Variants in CSGALNACT1 observed in about 807,000 individuals in gnomAD.
CSGALNACT1 encodes the protein beta4GalNAcT-1.
Under a neutral mutation model 51.0 loss-of-function variants are expected in CSGALNACT1, and 52 were observed. That is an observed-to-expected ratio of 1.02 (90% confidence interval 0.82 to 1.29). The LOEUF (loss-of-function observed/expected upper bound fraction) is 1.29, where lower values mean the gene tolerates loss of function less well. Ranked by LOEUF, CSGALNACT1 falls within the 50% of genes most tolerant of loss-of-function variation. The pLI is 0.00. For synonymous variants in CSGALNACT1, 341 were observed against 254.4 expected, an observed-to-expected ratio of 1.34 and a Z score of -3.24; for missense variants, 935 against 679.2, an observed-to-expected ratio of 1.38 and a Z score of -4.19.
chr8:19,737,290 AG>A (rs1444924746), intron 1 of CSGALNACT1, among the ~76,000 whole-genome samples: 1 of 152,138 alleles, frequency 6.6e-6, no homozygotes, highest in Admixed American at 6.5e-5. Context: ...CTAGGAGGCA[AG>A]AAGAAACTGT....
intron 4 of CSGALNACT1, among the ~76,000 whole-genome samples, chr8:19,474,375 CTTAT>C (rs1296799919): frequency 3.9e-5 from 6 of 151,984 alleles, no homozygotes; most frequent in South Asian, 2.1e-4. Flanking sequence ...TTAAAATTTA[CTTAT>C]TTATTATTTA....
At chr8:19,433,832 G>A (rs1252625318) in intron 6 of CSGALNACT1, among the ~76,000 whole-genome samples, 2 of 152,152 alleles carry the variant, frequency 1.3e-5, no homozygotes, top group East Asian at 1.9e-4. Context: ...TATTTTATGT[G>A]TGGCCCAACA....
intron 1 of CSGALNACT1, among the ~76,000 whole-genome samples, chr8:19,656,660 T>G (rs2058308834): frequency 8.4e-6 from 1 of 119,054 alleles, no homozygotes; most frequent in African/African-American, 3.2e-5. Flanking sequence ...ACATGAAATA[T>G]CAAACAATCA....
intron 1 of CSGALNACT1, among the ~76,000 whole-genome samples, chr8:19,678,139 CTACT>C (rs1191656337): frequency 6.6e-6 from 1 of 152,070 alleles, no homozygotes; most frequent in Admixed American, 6.6e-5. Context: ...CCACTAAATG[CTACT>C]TAGTCATACT....
At chr8:19,686,649 T>C (rs1190766312), upstream of CSGALNACT1, among the ~76,000 whole-genome samples, 1 of 152,192 alleles carries the variant, frequency 6.6e-6, no homozygotes. Flanking sequence ...CACATAGAAC[T>C]TCAATTCCTC....
At chr8:19,596,098 G>T (rs1026255733) in intron 2 of CSGALNACT1, among the ~76,000 whole-genome samples, 1 of 151,994 alleles carries the variant, frequency 6.6e-6, no homozygotes, top group Non-Finnish European at 1.5e-5. Flanking sequence ...GAACTCCTGA[G>T]CTCAAGCAAT....
chr8:19,477,431 C>T (rs971832186), intron 4 of CSGALNACT1, among the ~76,000 whole-genome samples: 1 of 152,168 alleles, frequency 6.6e-6, no homozygotes. Context: ...CGGACGATAG[C>T]ACACTCTTAC....
intron 1 of CSGALNACT1, among the ~76,000 whole-genome samples, chr8:19,657,724 G>T (rs547704918): frequency 9.1e-4 from 138 of 152,328 alleles, no homozygotes; most frequent in South Asian, 1.4e-3. Flanking sequence ...AGACAGTGTT[G>T]TAAGACCCTG....
At chr8:19,520,702 A>T (rs17408078) in intron 3 of CSGALNACT1, among the ~76,000 whole-genome samples, 22,191 of 152,276 alleles carry the variant, frequency 0.15, 1,781 homozygotes, top group Non-Finnish European at 0.18. Context: ...CATCAGTCTT[A>T]AAACTTTCCA....
At chr8:19,634,520 G>C (rs998567939) in intron 1 of CSGALNACT1, among the ~76,000 whole-genome samples, 2 of 152,154 alleles carry the variant, frequency 1.3e-5, no homozygotes, top group African/African-American at 4.8e-5. Context: ...AAATGAACTT[G>C]ATATGGTGAT....
At chr8:19,430,956 T>C (rs2059569548) in intron 6 of CSGALNACT1, among the ~76,000 whole-genome samples, 1 of 152,154 alleles carries the variant, frequency 6.6e-6, no homozygotes, top group African/African-American at 2.4e-5. Flanking sequence ...ATGAAAATTG[T>C]TTTCTTAATT....
At chr8:19,663,762 T>C (rs10464994) in intron 1 of CSGALNACT1, among the ~76,000 whole-genome samples, 1 of 152,240 alleles carries the variant, frequency 6.6e-6, no homozygotes, top group Non-Finnish European at 1.5e-5. Context: ...GTGCAAACAG[T>C]TTCAATTCAT....
chr8:19,419,438 A>C (rs2057520262), intron 7 of CSGALNACT1, among the ~76,000 whole-genome samples: 1 of 152,154 alleles, frequency 6.6e-6, no homozygotes, highest in South Asian at 2.1e-4. Flanking sequence ...GTTGGACTAG[A>C]CTTAGAGTGT....
At chr8:19,603,736 T>G (rs1442221454), upstream of CSGALNACT1, among the ~76,000 whole-genome samples, 1 of 152,244 alleles carries the variant, frequency 6.6e-6, no homozygotes, top group African/African-American at 2.4e-5. Flanking sequence ...GCTCCATCAC[T>G]GGCATGGTCT....
intron 1 of CSGALNACT1, among the ~76,000 whole-genome samples, chr8:19,743,818 G>A (rs2064467594): frequency 1.3e-5 from 2 of 152,140 alleles, no homozygotes; most frequent in African/African-American, 4.8e-5. Flanking sequence ...CATAAAAAAT[G>A]CAAACTATAG....
At chr8:19,618,527 C>A (rs2053348777) in intron 1 of CSGALNACT1, among the ~76,000 whole-genome samples, 1 of 150,390 alleles carries the variant, frequency 6.6e-6, no homozygotes. Flanking sequence ...ATAATCCCAG[C>A]TACTCAGAAG....
intron 3 of CSGALNACT1, among the ~76,000 whole-genome samples, chr8:19,539,612 T>C (rs897274783): frequency 2.0e-5 from 3 of 152,190 alleles, no homozygotes; most frequent in Non-Finnish European, 4.4e-5. Flanking sequence ...TCCTGATAAA[T>C]GTATACTTTC....
At chr8:19,575,035 A>G (rs1354000094) in intron 3 of CSGALNACT1, among the ~76,000 whole-genome samples, 1 of 148,682 alleles carries the variant, frequency 6.7e-6, no homozygotes, top group Admixed American at 6.7e-5. Context: ...CTCCGTCTCA[A>G]AAAAAAAAAA....
chr8:19,485,688 T>C (rs184151709), intron 4 of CSGALNACT1, among the ~76,000 whole-genome samples: 48 of 150,848 alleles, frequency 3.2e-4, no homozygotes, highest in Non-Finnish European at 5.0e-4. Flanking sequence ...TTACTTCAAA[T>C]ATTCACCTTA....
Sources: allele counts gnomAD v4.1 joint callset (sites outside exome capture counted in the v4.1 genomes callset), GRCh38; gene constraint gnomAD v4.1.1; transcripts MANE v1.5; gene names NCBI Gene and HGNC (gene_info 2026-07-23, HGNC 2026-07-21).